Variants in MMP26 observed in about 807,000 individuals in gnomAD.
MMP26 encodes the protein matrix metalloproteinase-26.
Under a neutral mutation model 31.0 loss-of-function variants are expected in MMP26, and 33 were observed. That is an observed-to-expected ratio of 1.06 (90% CI 0.81 to 1.42). The LOEUF is 1.42. MMP26 is among the 40% of genes most tolerant of loss of function. MMP26 has a pLI of 0.00. For missense variants in MMP26, 347 were observed against 316.1 expected (o/e 1.10, Z -0.74); for synonymous variants, 122 against 114.9 (o/e 1.06, Z -0.40).
At chr11:4,871,950 G>A (rs550452477) in intron 2 of MMP26, 4 of 152,088 alleles carry the variant, frequency 2.6e-5, no homozygotes, top group Non-Finnish European at 5.9e-5. Flanking sequence ...ACTAAATGTT[G>A]ATCTTCTCCT....
chr11:4,752,699 G>T (rs1222920009), intron 1 of MMP26: 1 of 152,298 alleles, frequency 6.6e-6, no homozygotes, highest in East Asian at 1.9e-4. Context: ...AAGTGTTAAA[G>T]CTGATCTCCC....
In MMP26 at chr11:4,786,189, G is replaced by A. The variant is rs114722936; in HGVS notation, c.-145+18848G>A. ...AGCTGCTGCAGATCCAGACTCCAGG[G>A]AAGAGGAGAGCTGAGACTCAGGCAA... On this transcript the variant is annotated intron_variant, in intron 2 of 7. Transcript: ENST00000380390. 6.1e-3 allele frequency among the ~76,000 whole-genome samples: 924 copies of A among 152,250 alleles called. 8 individuals carry two copies. Among genetic ancestry groups the A allele is most frequent in the African/African-American group, 0.021 (881 of 41,536 alleles).
In MMP26 at chr11:4,901,521, G is replaced by A. The variant is rs75261887; in HGVS notation, c.-144-86547G>A. On this transcript the variant is annotated intron_variant, in intron 2 of 7. Coordinates refer to ENST00000380390, the MANE Select transcript of MMP26 (RefSeq NM_021801.5). Reference sequence around the variant, plus strand: ...TACTTGTGTCTTAGCATGGGCATACGTCTTTCTGTTATGTGAGTAGAATTA... The same window carrying A: ...TACTTGTGTCTTAGCATGGGCATACATCTTTCTGTTATGTGAGTAGAATTA... Among the ~76,000 whole-genome samples, 500 of 152,022 alleles carry A rather than the reference G, an allele frequency of 3.3e-3. 1 individual carries two copies. The highest frequency in any genetic ancestry group is 0.012 in the African/African-American group (490 of 41,478).
intron 2 of MMP26, chr11:4,793,729 G>T (rs1849064626): frequency 6.6e-6 from 1 of 152,150 alleles, no homozygotes; most frequent in Admixed American, 6.5e-5. Flanking sequence ...TTTGGTCCTT[G>T]ATTAACAGGA....
intron 2 of MMP26, among the ~76,000 whole-genome samples, chr11:4,801,040 A>T (rs1314269842): frequency 1.3e-5 from 2 of 152,118 alleles, no homozygotes; most frequent in African/African-American, 4.8e-5. Context: ...GTTCATGTGG[A>T]CTTAGTTCAT....
Position 4,830,601 on chromosome 11 carries a change from G to C in MMP26, c.-145+63260G>C, listed in dbSNP as rs115787581. Among the ~76,000 whole-genome samples, 686 of 152,304 alleles carry C rather than the reference G, an allele frequency of 4.5e-3. 5 individuals carry two copies. Among genetic ancestry groups the C allele is most frequent in the African/African-American group, 0.015 (627 of 41,560 alleles). Reference sequence around the variant, plus strand: ...GCTCATTTCGAGGGGATTCATTGAAGGGAGACAGATGTTGTGTTATTGCTT... The same window carrying C: ...GCTCATTTCGAGGGGATTCATTGAACGGAGACAGATGTTGTGTTATTGCTT... On this transcript the variant is annotated intron_variant, in intron 2 of 7. Transcript: ENST00000380390.
intron 2 of MMP26, among the ~76,000 whole-genome samples, chr11:4,901,568 C>T (rs1850802871): frequency 6.6e-6 from 1 of 151,724 alleles, no homozygotes; most frequent in East Asian, 1.9e-4. Context: ...GTGGCATATG[C>T]TGCCTCCGGG....
Position 4,991,390 on chromosome 11 carries a change from C to T in MMP26, c.489C>T (p.Pro163=). The T allele has an allele frequency of 6.2e-7, 1 of 1,613,458 alleles. No individual in the cohort carries two copies. Among genetic ancestry groups the T allele is most frequent in the Non-Finnish European group, 8.5e-7 (1 of 1,179,558 alleles). ...FWQWAHEDGW[P]FDGPGGILGH... ...CCACAGCCCATGAAGATGGTTGGCCCTTTGATGGGCCAGGTGGTATCTTAG... is the reference window on the plus strand; with the variant it reads ...CCACAGCCCATGAAGATGGTTGGCCTTTTGATGGGCCAGGTGGTATCTTAG... Residue 163 remains proline (P), a synonymous_variant, in exon 6 of 8, where the codon CCC becomes CCT. Coordinates refer to ENST00000380390, the MANE Select transcript of MMP26 (RefSeq NM_021801.5).
At chr11:4,848,026 T>C (rs765431845) in intron 2 of MMP26, 16 of 534,394 alleles carry the variant, frequency 3.0e-5, no homozygotes, top group Non-Finnish European at 4.6e-5. Context: ...GTCATTGATA[T>C]GTAATGTACC....
chr11:4,859,051 C>T (rs1306394784), intron 2 of MMP26, among the ~76,000 whole-genome samples: 1 of 152,182 alleles, frequency 6.6e-6, no homozygotes, highest in Admixed American at 6.5e-5. Context: ...CCCCTCCTTA[C>T]ACCTTATGCA....
At chr11:4,964,776 A>T (rs748150638) in intron 2 of MMP26, among the ~76,000 whole-genome samples, 4 of 152,134 alleles carry the variant, frequency 2.6e-5, no homozygotes, top group Non-Finnish European at 1.5e-5. Flanking sequence ...AGCGACAAGG[A>T]TGGAGCTAGA....
At chr11:4,947,812 G>A (rs1564812836) in intron 2 of MMP26, among the ~76,000 whole-genome samples, 1 of 124,992 alleles carries the variant, frequency 8.0e-6, no homozygotes, top group Non-Finnish European at 1.8e-5. Context: ...CAAACATCTA[G>A]GTCTGTAATA....
chr11:4,839,492 C>T (rs188891128), intron 2 of MMP26, among the ~76,000 whole-genome samples: 1 of 151,798 alleles, frequency 6.6e-6, no homozygotes, highest in African/African-American at 2.4e-5. Context: ...ATCTTGCAGG[C>T]CAGCTCAGCT....
At chr11:4,835,016 G>T (rs539442657) in intron 2 of MMP26, among the ~76,000 whole-genome samples, 6 of 152,148 alleles carry the variant, frequency 3.9e-5, no homozygotes, top group Non-Finnish European at 8.8e-5. Flanking sequence ...CAAACATTCA[G>T]TAGGCAACCC....
At position 4,735,372 on chromosome 11, in the gene MMP26, G is replaced by A. The variant is rs528174848; in HGVS notation, c.-217+30327G>A. ...TATAGCTATATATACAGATATACAT[G>A]CGTGCATGTGTGTGTGTGTACCTCA... On this transcript the variant is annotated intron_variant, in intron 1 of 7. Coordinates refer to ENST00000380390, the MANE Select transcript of MMP26 (RefSeq NM_021801.5). Among the ~76,000 whole-genome samples the A allele has an allele frequency of 2.0e-5, 3 of 152,158 alleles. No homozygotes were observed. In the South Asian group the frequency reaches 6.2e-4, roughly 32 times the overall value.
intron 2 of MMP26, among the ~76,000 whole-genome samples, chr11:4,962,181 T>C (rs1846530739): frequency 6.6e-6 from 1 of 152,196 alleles, no homozygotes; most frequent in African/African-American, 2.4e-5. Context: ...ATAACATTGC[T>C]GTTTTGTCTC....
chr11:4,974,516 G>A (rs1264110423), intron 2 of MMP26, among the ~76,000 whole-genome samples: 3 of 151,656 alleles, frequency 2.0e-5, no homozygotes, highest in African/African-American at 7.3e-5. Context: ...TGATTTTATT[G>A]CTATTCTTTA....
At chr11:4,751,541 G>T (rs760106898) in intron 1 of MMP26, among the ~76,000 whole-genome samples, 1 of 152,000 alleles carries the variant, frequency 6.6e-6, no homozygotes, top group Admixed American at 6.6e-5. Flanking sequence ...TGAAGAAGTC[G>T]TAAGCAGACT....
chr11:4,839,502 TGCA>T (rs1490362086), intron 2 of MMP26, among the ~76,000 whole-genome samples: 1 of 151,708 alleles, frequency 6.6e-6, no homozygotes, highest in Non-Finnish European at 1.5e-5. Context: ...CCAGCTCAGC[TGCA>T]GCAGAATAGA....
Sources: gnomAD v4.1 joint callset for allele counts (sites outside exome capture counted in the v4.1 genomes callset) on GRCh38, gnomAD v4.1.1 for gene constraint, MANE v1.5 for transcripts, NCBI Gene and HGNC (gene_info 2026-07-23, HGNC 2026-07-21) for gene names.